The following PCDHGA3 variants were observed in gnomAD, a reference collection of about 807,000 sequenced individuals.
The protein encoded by PCDHGA3 is protocadherin gamma-A3.
In PCDHGA3, 40 loss-of-function variants were observed where a neutral mutation model predicts 58.5. The ratio of observed to expected loss-of-function variants is 0.68; its 90% CI spans 0.53 to 0.89. The LOEUF (loss-of-function observed/expected upper bound fraction) is 0.89, where lower values mean the gene tolerates loss of function less well. Ranked by LOEUF, PCDHGA3 falls within the 40% of genes least tolerant of loss-of-function variation. The probability of loss-of-function intolerance (pLI) is 0.00; values close to 1 mark genes in which losing one functional copy is unlikely to be tolerated. For missense variants in PCDHGA3, 1,223 were observed against 1,195.9 expected (o/e 1.02, Z -0.33); for synonymous variants, 530 against 525.7 (o/e 1.01, Z -0.11).
chr5:141,384,804 A>C (rs1780531756), intron 1 of PCDHGA3: 1 of 1,613,332 alleles, frequency 6.2e-7, no homozygotes, highest in Non-Finnish European at 8.5e-7. Flanking sequence ...TGCTGGACAG[A>C]GATGCCCTCA....
At chr5:141,355,439 G>T in intron 1 of PCDHGA3, 1 of 1,614,108 alleles carries the variant, frequency 6.2e-7, no homozygotes, top group Non-Finnish European at 8.5e-7. Flanking sequence ...CTGAACCCGC[G>T]CAGCGGCACC....
At chr5:141,384,541 C>T in intron 1 of PCDHGA3, 2 of 1,614,264 alleles carry the variant, frequency 1.2e-6, no homozygotes, top group Non-Finnish European at 1.7e-6. Context: ...CAACATGTCA[C>T]TGAGCCTGTT....
rs780843098 is a variant in PCDHGA3 at position 141,431,185 on chromosome 5, T to C, written c.2425-63622T>C. On this transcript the variant is annotated intron_variant, in intron 1 of 3. Coordinates refer to ENST00000253812, the MANE Select transcript of PCDHGA3 (RefSeq NM_018916.4). The surrounding 1 kb of genome is among the most constrained non-coding windows in gnomAD (Gnocchi z 4.8). ...GTGAAAGTGAATTAGAAATAAAAAT[T>C]AGTGAAAATGCAGCCACTGAGATGC... The C allele has an allele frequency of 3.1e-6, 5 of 1,613,982 alleles. No homozygotes were observed. The highest frequency in any genetic ancestry group is 4.2e-6 in the Non-Finnish European group (5 of 1,180,016).
At chr5:141,402,999 T>TATG in intron 1 of PCDHGA3, 1 of 1,613,984 alleles carries the variant, frequency 6.2e-7, no homozygotes, top group Non-Finnish European at 8.5e-7. Context: ...TTAGTCCTGC[T>TATG]ATGCTCGCTC....
chr5:141,370,529 G>T (rs767611078), intron 1 of PCDHGA3: 4 of 1,613,824 alleles, frequency 2.5e-6, no homozygotes, highest in South Asian at 1.1e-5. Flanking sequence ...ACAGGGGCTC[G>T]CTGGTAGGGA....
intron 1 of PCDHGA3, chr5:141,350,947 TACGGATGCCAATGATA>T: frequency 6.2e-7 from 1 of 1,614,070 alleles, no homozygotes; most frequent in South Asian, 1.1e-5. Flanking sequence ...GGATCCGAGT[TACGGATGCCAATGATA>T]ATGCTCCCGT....
chr5:141,465,761 G>A (rs1040750106), intron 1 of PCDHGA3, among the ~76,000 whole-genome samples: 2 of 151,634 alleles, frequency 1.3e-5, no homozygotes, highest in African/African-American at 4.8e-5. Flanking sequence ...GTAAAGTCAT[G>A]TTTCATCTCT....
At chr5:141,358,195 A>T (rs559791322) in intron 1 of PCDHGA3, among the ~76,000 whole-genome samples, 1 of 152,316 alleles carries the variant, frequency 6.6e-6, no homozygotes, top group East Asian at 1.9e-4. Context: ...GTCTCCAAAA[A>T]GTAAAATAAA....
intron 1 of PCDHGA3, among the ~76,000 whole-genome samples, chr5:141,358,847 A>G (rs1279755498): frequency 6.6e-6 from 1 of 152,176 alleles, no homozygotes; most frequent in Non-Finnish European, 1.5e-5. Context: ...TATTGCTACA[A>G]ATTGCTTTCA....
Position 141,476,019 on chromosome 5 carries a change from C to T in PCDHGA3, c.2425-18788C>T, listed in dbSNP as rs964061075. The T allele has an allele frequency of 3.9e-5, 54 of 1,390,282 alleles. 1 individual carries two copies. Among genetic ancestry groups the T allele is most frequent in the Non-Finnish European group, 4.9e-5 (51 of 1,034,212 alleles). 86.1% of individuals were successfully genotyped at this position (1,390,282 alleles called of 1,614,324 possible). A position where few individuals can be genotyped will look rare whatever the true frequency, so the allele number is the denominator to read the frequency against. Reference sequence around the variant, plus strand: ...ACGGCATCCAGAAAGCCATGTCGGACTCGGCGCCCAGCGCCCAAGCGCTAA... The same window carrying T: ...ACGGCATCCAGAAAGCCATGTCGGATTCGGCGCCCAGCGCCCAAGCGCTAA... On this transcript the variant is annotated intron_variant, in intron 1 of 3. Transcript: ENST00000253812. This position sits in a 1 kb window ranked among gnomAD's most constrained non-coding sequence, Gnocchi z 7.6.
chr5:141,408,174 C>T, intron 1 of PCDHGA3: 3 of 1,531,244 alleles, frequency 2.0e-6, no homozygotes, highest in Non-Finnish European at 1.8e-6. Flanking sequence ...ACTGGAAAAG[C>T]GGGGACCCAG....
At chr5:141,409,243 AATC>A in intron 1 of PCDHGA3, 1 of 1,614,032 alleles carries the variant, frequency 6.2e-7, no homozygotes, top group South Asian at 1.1e-5. Context: ...GCCCAGAAAT[AATC>A]ATCACTTCTC....
chr5:141,447,430 A>G (rs960560239), intron 1 of PCDHGA3, among the ~76,000 whole-genome samples: 9 of 152,156 alleles, frequency 5.9e-5, no homozygotes, highest in African/African-American at 2.2e-4. Flanking sequence ...GAGCCACCGC[A>G]CCCGGAGGAA....
At chr5:141,409,745 T>C (rs968473065) in intron 1 of PCDHGA3, 8 of 1,613,074 alleles carry the variant, frequency 5.0e-6, no homozygotes, top group Non-Finnish European at 6.8e-6. Context: ...CGGGGTGGTG[T>C]TCGCGCAGCG....
At chr5:141,445,046 G>A (rs181806844) in intron 1 of PCDHGA3, among the ~76,000 whole-genome samples, 1 of 152,248 alleles carries the variant, frequency 6.6e-6, no homozygotes, top group East Asian at 1.9e-4. Context: ...AGTTTTCAGT[G>A]TAGAGAGGTC....
At position 141,431,555 on chromosome 5, in the gene PCDHGA3, G is replaced by A. The variant is rs2097394199; in HGVS notation, c.2425-63252G>A. On this transcript the variant is annotated intron_variant, in intron 1 of 3. Transcript: ENST00000253812. This position sits in a 1 kb window ranked among gnomAD's most constrained non-coding sequence, Gnocchi z 4.8. The stretch of plus-strand genomic sequence containing the variant: ...GGGCACGCAGCTGCTTGTAGTCAAC[G>A]CTACCGACCCTGACGAAGGAGTCAA... 1 of 1,614,014 alleles carries A rather than the reference G, an allele frequency of 6.2e-7. No individual in the cohort carries two copies. The highest frequency in any genetic ancestry group is 8.5e-7 in the Non-Finnish European group (1 of 1,180,032).
Position 141,477,783 on chromosome 5 carries a change from T to C in PCDHGA3, c.2425-17024T>C. 1 of 1,614,078 alleles carries C rather than the reference T, an allele frequency of 6.2e-7. No individual in the cohort carries two copies. Among genetic ancestry groups the C allele is most frequent in the Non-Finnish European group, 8.5e-7 (1 of 1,180,028 alleles). On this transcript the variant is annotated intron_variant, in intron 1 of 3. Coordinates refer to ENST00000253812, the MANE Select transcript of PCDHGA3 (RefSeq NM_018916.4). The surrounding 1 kb of genome is among the most constrained non-coding windows in gnomAD (Gnocchi z 4.9). ...GCCACCAACATCAGCGTGAACATAT[T>C]TGTCACTGATCGCAATGACAATGCC...
rs769671283 is a variant in PCDHGA3, at chr5:141,511,391, C to T, written c.*218C>T. On this transcript the variant is annotated 3_prime_UTR_variant, in exon 4 of 4. Transcript: ENST00000253812. Reference sequence around the variant, plus strand: ...TGCAAAAGCAGTTCCGCTGGGAACCCCCATCCAATCAACTGCTGTACCCAT... The same window carrying T: ...TGCAAAAGCAGTTCCGCTGGGAACCTCCATCCAATCAACTGCTGTACCCAT... The T allele has an allele frequency of 6.4e-5, 69 of 1,079,630 alleles. No individual in the cohort carries two copies. The highest frequency in any genetic ancestry group is 1.5e-4 in the Admixed American group (5 of 34,354). 66.9% of individuals were successfully genotyped at this position (1,079,630 alleles called of 1,614,324 possible). A position where few individuals can be genotyped will look rare whatever the true frequency, so the allele number is the denominator to read the frequency against.
At position 141,485,811 on chromosome 5, in the gene PCDHGA3, C is replaced by T; in HGVS notation, c.2425-8996C>T. 6.2e-7 allele frequency: 1 copy of T among 1,614,220 alleles called. No homozygotes were observed. The highest frequency in any genetic ancestry group is 8.5e-7 in the Non-Finnish European group (1 of 1,180,028). ...CAATCGGACTACCGCCTGGTGCTGA[C>T]TGCTGTCGATGGAGGGAACCCGCCG... On this transcript the variant is annotated intron_variant, in intron 1 of 3. Transcript: ENST00000253812. This position sits in a 1 kb window ranked among gnomAD's most constrained non-coding sequence, Gnocchi z 5.7.
Sources: gnomAD v4.1 joint callset for allele counts (sites outside exome capture counted in the v4.1 genomes callset) on GRCh38, gnomAD v4.1.1 for gene constraint, Gnocchi (gnomAD v3.1) non-coding constraint, MANE v1.5 for transcripts, NCBI Gene and HGNC (gene_info 2026-07-23, HGNC 2026-07-21) for gene names.